The following PDE1C variants were observed in gnomAD, a reference collection of about 807,000 sequenced individuals.
PDE1C encodes the protein phosphodiesterase 1C, also known as dual specificity calcium/calmodulin-dependent 3',5'-cyclic nucleotide phosphodiesterase 1C.
Under a neutral mutation model 93.1 loss-of-function variants are expected in PDE1C, and 62 were observed. The observed-to-expected ratio is 0.67, with a 90% CI of 0.54 to 0.82. The LOEUF (loss-of-function observed/expected upper bound fraction) is 0.82, where lower values mean the gene tolerates loss of function less well. PDE1C is among the 40% of genes least tolerant of loss of function. The pLI is 0.00. For synonymous variants in PDE1C, 325 were observed against 310.1 expected, an observed-to-expected ratio of 1.05 and a Z score of -0.50; for missense variants, 742 against 884.6, an observed-to-expected ratio of 0.84 and a Z score of 2.04.
intron 1 of PDE1C, among the ~76,000 whole-genome samples, chr7:32,219,291 G>A (rs1225417963): frequency 2.0e-5 from 3 of 152,168 alleles, no homozygotes; most frequent in Non-Finnish European, 4.4e-5. Context: ...GAGGAAAGGG[G>A]TGTGGTGCAT....
chr7:31,967,144 C>T (rs1048063540), intron 2 of PDE1C, among the ~76,000 whole-genome samples: 42 of 152,256 alleles, frequency 2.8e-4, no homozygotes, highest in African/African-American at 9.1e-4. Flanking sequence ...ACACAAAAAA[C>T]CCTTCAAAAA....
chr7:31,891,410 T>C (rs938807325), intron 2 of PDE1C, among the ~76,000 whole-genome samples: 1 of 152,194 alleles, frequency 6.6e-6, no homozygotes, highest in African/African-American at 2.4e-5. Context: ...ACCTTTACTT[T>C]CTGCTCCTTT....
chr7:31,714,343 A>G, the PDE1C span, among the ~76,000 whole-genome samples: 1 of 152,084 alleles, frequency 6.6e-6, no homozygotes, highest in African/African-American at 2.4e-5. Flanking sequence ...ACCACCTTGG[A>G]CTGGATTTCA....
At chr7:32,170,024 C>T (rs1008044686) in intron 2 of PDE1C, 14 of 1,366,356 alleles carry the variant, frequency 1.0e-5, no homozygotes, top group Admixed American at 1.9e-5. Flanking sequence ...CTGCCTTCCC[C>T]AACTCAGGAT....
At chr7:31,958,452 A>T (rs762055876) in intron 2 of PDE1C, among the ~76,000 whole-genome samples, 1 of 152,178 alleles carries the variant, frequency 6.6e-6, no homozygotes, top group Non-Finnish European at 1.5e-5. Context: ...ATTTACAGAC[A>T]CTCTATGACT....
At chr7:31,797,109 T>C (rs1275840580) in intron 16 of PDE1C, among the ~76,000 whole-genome samples, 1 of 151,696 alleles carries the variant, frequency 6.6e-6, no homozygotes, top group Non-Finnish European at 1.5e-5. Flanking sequence ...CCACATGACA[T>C]AAATATGTTA....
chr7:31,933,980 T>C (rs1315379304), intron 2 of PDE1C, among the ~76,000 whole-genome samples: 2 of 152,198 alleles, frequency 1.3e-5, no homozygotes, highest in Non-Finnish European at 2.9e-5. Flanking sequence ...AAGAAAATAA[T>C]ACCCTAAAAA....
At chr7:32,382,825 C>T (rs1338318211) in intron 1 of PDE1C, among the ~76,000 whole-genome samples, 4 of 152,190 alleles carry the variant, frequency 2.6e-5, no homozygotes, top group East Asian at 1.9e-4. Context: ...CCAGTCCACG[C>T]GACTCCGACA....
chr7:31,964,983 T>C (rs1809676550), intron 2 of PDE1C, among the ~76,000 whole-genome samples: 1 of 151,644 alleles, frequency 6.6e-6, no homozygotes, highest in South Asian at 2.1e-4. Flanking sequence ...AGACCAAAGG[T>C]AGATAAAACC....
At chr7:31,837,407 A>C in intron 10 of PDE1C, 107 bp from the exon 11 acceptor site, 59 of 1,036,230 alleles carry the variant, frequency 5.7e-5, no homozygotes, top group Non-Finnish European at 7.4e-5. Flanking sequence ...CTTCCATCTC[A>C]AACCCCACTT....
chr7:31,896,325 AAGACATG>A (rs1256889448), intron 2 of PDE1C, among the ~76,000 whole-genome samples: 2 of 152,180 alleles, frequency 1.3e-5, no homozygotes, highest in Non-Finnish European at 2.9e-5. Context: ...AGTAGTTGGG[AAGACATG>A]AGACATGAGG....
intron 13 of PDE1C, among the ~76,000 whole-genome samples, chr7:31,824,568 T>G (rs1239576845): frequency 6.6e-6 from 1 of 152,104 alleles, no homozygotes; most frequent in African/African-American, 2.4e-5. Context: ...GAGTATTACA[T>G]GAGCAAGGAT....
the PDE1C span, among the ~76,000 whole-genome samples, chr7:31,682,810 T>C: frequency 1.3e-5 from 2 of 152,340 alleles, no homozygotes; most frequent in African/African-American, 2.4e-5. Flanking sequence ...GAATGAACTA[T>C]TGATACATGA....
chr7:32,416,323 C>T (rs1009323564), intron 1 of PDE1C, among the ~76,000 whole-genome samples: 2 of 152,124 alleles, frequency 1.3e-5, no homozygotes, highest in South Asian at 2.1e-4. Flanking sequence ...AAGGATGAGA[C>T]GGGACTCTGG....
At chr7:32,198,250 T>C (rs1286286210) in intron 2 of PDE1C, among the ~76,000 whole-genome samples, 2 of 152,194 alleles carry the variant, frequency 1.3e-5, no homozygotes, top group African/African-American at 4.8e-5. Context: ...AGGTCAACAG[T>C]ATTCTTCCCT....
At chr7:31,809,195 A>G in intron 15 of PDE1C, 87 bp from the exon 16 acceptor site, 1 of 738,388 alleles carries the variant, frequency 1.4e-6, no homozygotes, top group Admixed American at 1.9e-5. Flanking sequence ...GTTTTGAAAA[A>G]GTGCAGCATA....
chr7:32,375,789 A>G (rs562984434), intron 1 of PDE1C, among the ~76,000 whole-genome samples: 2 of 152,384 alleles, frequency 1.3e-5, no homozygotes, highest in East Asian at 1.9e-4. Flanking sequence ...AACTAGGGCC[A>G]TGATAATGTA....
At chr7:32,364,981 C>T (rs1368862288) in intron 1 of PDE1C, among the ~76,000 whole-genome samples, 1 of 152,252 alleles carries the variant, frequency 6.6e-6, no homozygotes, top group Non-Finnish European at 1.5e-5. Context: ...CTGCCACATG[C>T]TTTCCTCAAG....
rs372155587 is a variant in PDE1C at position 31,753,722 on chromosome 7, G to A, written c.1961-169C>T. On this transcript the variant is annotated intron_variant, in intron 17 of 17. Coordinates refer to ENST00000396191, the MANE Select transcript of PDE1C (RefSeq NM_001191057.4). The stretch of plus-strand genomic sequence containing the variant: ...TTATGGCAGATAGATGAATAAGCAC[G>A]TTACCACCTTGGTCATTCAGTTAAA... Among the ~76,000 whole-genome samples the A allele has an allele frequency of 3.5e-4, 53 of 152,302 alleles. 1 individual carries two copies. Among genetic ancestry groups the A allele is most frequent in the Admixed American group, 1.9e-3 (29 of 15,290 alleles).
Sources: allele counts gnomAD v4.1 joint callset (sites outside exome capture counted in the v4.1 genomes callset), GRCh38; gene constraint gnomAD v4.1.1; transcripts MANE v1.5; gene names NCBI Gene and HGNC (gene_info 2026-07-23, HGNC 2026-07-21).